The following CHD8 variants were observed in gnomAD, a reference collection of about 807,000 sequenced individuals.
CHD8 encodes the protein chromodomain helicase DNA binding protein 8.
In CHD8, 31 loss-of-function variants were observed where a neutral mutation model predicts 279.2. The ratio of observed to expected loss-of-function variants is 0.11; its 90% confidence interval spans 0.08 to 0.15. CHD8 has a LOEUF of 0.15. Among genes scored for constraint, CHD8 ranks in the 10% least tolerant of loss-of-function variants. The probability of loss-of-function intolerance (pLI) is 1.00; values close to 1 mark genes in which losing one functional copy is unlikely to be tolerated. For missense variants in CHD8, 2,146 were observed against 3,230.5 expected (o/e 0.66, Z 8.14); for synonymous variants, 1,081 against 1,139.6 (o/e 0.95, Z 1.04).
intron 1 of CHD8, among the ~76,000 whole-genome samples, chr14:21,444,420 T>A (rs2139566795): frequency 6.6e-6 from 1 of 152,322 alleles, no homozygotes; most frequent in Middle Eastern, 3.4e-3. Context: ...TCTCTCCCTT[T>A]ATATTAAATC....
At chr14:21,445,397 C>G (rs1890087710) in intron 1 of CHD8, among the ~76,000 whole-genome samples, 2 of 150,942 alleles carry the variant, frequency 1.3e-5, no homozygotes, top group Admixed American at 6.6e-5. Context: ...TGGTGAAACC[C>G]TGGCCGGGCG....
In CHD8 at chr14:21,392,608, T is replaced by C. The variant is rs777851125; in HGVS notation, c.6670A>G (p.Met2224Val). The change falls in exon 34 of 38, where the codon ATG (methionine) becomes GTG (valine). Residue 2224 changes from methionine to valine, a missense_variant. Around this residue, in one of 26 missense-constraint regions of CHD8, gnomAD observed 513 missense variants for 637.6 expected, o/e 0.80. Transcript: ENST00000646647. ...ACTGCAGATGCTTCCTCCTCTGCCA[T>C]GGAAGCTGCACTACTACTTCGTGGT... is the stretch of plus-strand genomic sequence containing the variant. ...PTPRSSSAAS[M>V]AEEEASAVST... 6 of 1,613,852 alleles carry C rather than the reference T, an allele frequency of 3.7e-6. No homozygotes were observed. The African/African-American group carries it at 8.0e-5, about 22-fold the overall frequency.
intron 1 of CHD8, among the ~76,000 whole-genome samples, chr14:21,440,441 AG>A (rs1254088553): frequency 1.3e-5 from 2 of 152,160 alleles, no homozygotes; most frequent in Non-Finnish European, 2.9e-5. Flanking sequence ...TCCTGACCTC[AG>A]GTGTTCCACC....
Position 21,403,172 on chromosome 14 carries a change from G to A in CHD8, c.3559C>T (p.Leu1187Phe), listed in dbSNP as rs540325439. The A allele has an allele frequency of 1.2e-6, 2 of 1,613,954 alleles. No individual in the cohort carries two copies. The highest frequency in any genetic ancestry group is 2.2e-5 in the East Asian group (1 of 44,888). The change falls in exon 18 of 38, where the codon CTT becomes TTT. Residue 1187 changes from leucine to phenylalanine, a missense_variant. Around this residue, in one of 26 missense-constraint regions of CHD8, gnomAD observed 48 missense variants for 135.7 expected, o/e 0.35. Transcript: ENST00000646647. The surrounding 1 kb of genome is among the most constrained non-coding windows in gnomAD (Gnocchi z 4.3). ...ERIDGRVRGN[L>F]RQAAIDRFSK... is the part of the protein sequence containing the mutation. ...AAGCGGTCAATGGCAGCCTGTCGAA[G>A]GTTGCCTCTAACTCGCCCATCAATA...
chr14:21,397,881 C>G lies in CHD8; in HGVS notation c.4993G>C (p.Asp1665His). The change falls in exon 27 of 38, where the codon GAC (aspartate) becomes CAC (histidine). Residue 1665 changes from aspartate to histidine, a missense_variant. Around this residue, in one of 26 missense-constraint regions of CHD8, gnomAD observed 75 missense variants for 81.3 expected, o/e 0.92. Coordinates refer to ENST00000646647, the MANE Select transcript of CHD8 (RefSeq NM_001170629.2). ...CGATGTTCTGCTGCAATTGCTTTGT[C>G]ATCTGGTCGGCCAGCCTTTTCTAGG... ...CFLEKAGRPD[D>H]KAIAAEHRVL... 6.2e-7 allele frequency: 1 copy of G among 1,613,102 alleles called. No individual in the cohort carries two copies. Among genetic ancestry groups the G allele is most frequent in the Non-Finnish European group, 8.5e-7 (1 of 1,179,466 alleles).
At chr14:21,388,613 T>A (rs956787195) in intron 37 of CHD8, among the ~76,000 whole-genome samples, 1 of 152,104 alleles carries the variant, frequency 6.6e-6, no homozygotes, top group Non-Finnish European at 1.5e-5. Flanking sequence ...CTGCCTCAGC[T>A]TCCACATAGC....
Position 21,400,105 on chromosome 14 carries a change from A to C in CHD8, c.4728-35T>G. ...ACAGAGGAAGAGCTGGCTCAGTAAC[A>C]CTGTAGAAGTTTGAGGTGGAAAATG... is the stretch of plus-strand genomic sequence containing the variant. On this transcript the variant is annotated intron_variant, in intron 24 of 37. Transcript: ENST00000646647. The surrounding 1 kb of genome is among the most constrained non-coding windows in gnomAD (Gnocchi z 4.2). The C allele has an allele frequency of 6.2e-7, 1 of 1,613,058 alleles. No homozygotes were observed. The highest frequency in any genetic ancestry group is 8.5e-7 in the Non-Finnish European group (1 of 1,179,172).
Position 21,403,869 on chromosome 14 carries a change from C to T in CHD8, c.3308-206G>A, listed in dbSNP as rs935965459. ...ATCCCAACACTTTGGGAGGCCGAGG[C>T]AGGTGGATCACTTGAGGTCAGGAGT... On this transcript the variant is annotated intron_variant, in intron 16 of 37. Coordinates refer to ENST00000646647, the MANE Select transcript of CHD8 (RefSeq NM_001170629.2). The surrounding 1 kb of genome is among the most constrained non-coding windows in gnomAD (Gnocchi z 4.3). 1.3e-5 allele frequency among the ~76,000 whole-genome samples: 2 copies of T among 152,134 alleles called. No homozygotes were observed. The highest frequency in any genetic ancestry group is 4.8e-5 in the African/African-American group (2 of 41,422).
intron 37 of CHD8, among the ~76,000 whole-genome samples, chr14:21,389,715 TG>T (rs1887441801): frequency 6.6e-6 from 1 of 152,226 alleles, no homozygotes; most frequent in African/African-American, 2.4e-5. Flanking sequence ...GAATAAACTG[TG>T]GGTACTTAGT....
At position 21,408,973 on chromosome 14, in the gene CHD8, C is replaced by T. The variant is rs1004508294; in HGVS notation, c.2365-148G>A. On this transcript the variant is annotated intron_variant, in intron 11 of 37. Transcript: ENST00000646647. This position sits in a 1 kb window ranked among gnomAD's most constrained non-coding sequence, Gnocchi z 4.3. ...TATATTTAAATTTATGAGTTCATAA[C>T]GTTACTTTATGGGTCCATAATGATC... The T allele has an allele frequency of 6.7e-5, 59 of 882,694 alleles. No individual in the cohort carries two copies. The South Asian group carries it at 8.4e-4, about 13-fold the overall frequency. The allele number at this position is 882,694 out of a possible 1,614,324, so 54.7% of individuals were successfully genotyped here.
At chr14:21,397,362 C>A (rs974442748) in intron 27 of CHD8, 2 of 518,752 alleles carry the variant, frequency 3.9e-6, no homozygotes, top group Non-Finnish European at 7.7e-6. Flanking sequence ...CACTGCCCTA[C>A]CTGGTGGCTC....
intron 5 of CHD8, among the ~76,000 whole-genome samples, chr14:21,418,178 T>A (rs1370370699): frequency 1.3e-5 from 2 of 151,964 alleles, no homozygotes; most frequent in East Asian, 3.9e-4. Context: ...AACAAAAAAT[T>A]ATGCTGAAAG....
At chr14:21,415,061 C>T in intron 7 of CHD8, 68 bp from the exon 8 acceptor site, 1 of 1,009,748 alleles carries the variant, frequency 9.9e-7, no homozygotes, top group African/African-American at 1.6e-5. Context: ...TTAATTTTAA[C>T]CACACATTGC....
At position 21,394,294 on chromosome 14, in the gene CHD8, G is replaced by A; in HGVS notation, c.5582C>T (p.Pro1861Leu). The A allele has an allele frequency of 2.5e-6, 4 of 1,613,946 alleles. No individual in the cohort carries two copies. The highest frequency in any genetic ancestry group is 3.4e-6 in the Non-Finnish European group (4 of 1,179,870). Residue 1861 changes from proline to leucine, a missense_variant, in exon 31 of 38, where the codon CCC becomes CTC. Around this residue, in one of 26 missense-constraint regions of CHD8, gnomAD observed 513 missense variants for 637.6 expected, o/e 0.80. Coordinates refer to ENST00000646647, the MANE Select transcript of CHD8 (RefSeq NM_001170629.2). The part of the protein sequence containing the change: ...VAMCRQVCRL[P>L]PAAGDEPPDP... ...TTGCTTACCATCTCCAGCTGCTGGG[G>A]GAAGGCGGCATACTTGGCGGCACAT...
In CHD8 at chr14:21,393,768, G is replaced by C; in HGVS notation, c.6027C>G (p.Pro2009=). 1 of 1,613,860 alleles carries C rather than the reference G, an allele frequency of 6.2e-7. No individual in the cohort carries two copies. The highest frequency in any genetic ancestry group is 8.5e-7 in the Non-Finnish European group (1 of 1,179,838). ...LRPDAPVEKS[P]EETATQVPSL... ...TGGGGACCTGGGTAGCTGTCTCCTCGGGTGACTTTTCAACAGGAGCATCTG... is the reference window on the plus strand; with the variant it reads ...TGGGGACCTGGGTAGCTGTCTCCTCCGGTGACTTTTCAACAGGAGCATCTG... The change falls in exon 32 of 38, where the codon CCC becomes CCG. Residue 2009 remains proline, a synonymous_variant. Coordinates refer to ENST00000646647, the MANE Select transcript of CHD8 (RefSeq NM_001170629.2).
intron 14 of CHD8, among the ~76,000 whole-genome samples, chr14:21,406,298 A>G (rs1485659829): frequency 6.6e-6 from 1 of 152,228 alleles, no homozygotes; most frequent in Non-Finnish European, 1.5e-5. Flanking sequence ...ACTTGCAAGA[A>G]CAAGAATGTA....
At chr14:21,391,688 G>A in intron 35 of CHD8, 46 bp from the exon 36 acceptor site, 1 of 1,506,070 alleles carries the variant, frequency 6.6e-7, no homozygotes, top group Non-Finnish European at 9.1e-7. Flanking sequence ...TCTTCTTTGG[G>A]GGAGGGAGGG....
In CHD8 at chr14:21,402,207, CTAT is replaced by C; in HGVS notation, c.3883-74_3883-72del. The C allele has an allele frequency of 1.0e-5, 15 of 1,447,252 alleles. No homozygotes were observed. Among genetic ancestry groups the C allele is most frequent in the Non-Finnish European group, 1.4e-5 (15 of 1,060,056 alleles). 89.7% of individuals were successfully genotyped at this position (1,447,252 alleles called of 1,614,324 possible). The stretch of plus-strand genomic sequence containing the variant: ...ATCTAACCATGCCATAATATTTTAG[CTAT>C]TATATTTTAAGAAATAATAATTGAG... On this transcript the variant is annotated intron_variant, in intron 19 of 37. Coordinates refer to ENST00000646647, the MANE Select transcript of CHD8 (RefSeq NM_001170629.2). The surrounding 1 kb of genome is among the most constrained non-coding windows in gnomAD (Gnocchi z 4.5).
At chr14:21,437,720 G>A (rs1889846996) in intron 1 of CHD8, among the ~76,000 whole-genome samples, 1 of 152,042 alleles carries the variant, frequency 6.6e-6, no homozygotes, top group Admixed American at 6.5e-5. Context: ...CTCCATCGTG[G>A]GAGTCAGCCC....
Sources: allele counts gnomAD v4.1 joint callset (sites outside exome capture counted in the v4.1 genomes callset), GRCh38; gene constraint gnomAD v4.1.1; regional missense constraint gnomAD v4.1.1; non-coding constraint Gnocchi (gnomAD v3.1); transcripts MANE v1.5; gene names NCBI Gene and HGNC (gene_info 2026-07-23, HGNC 2026-07-21).